The following PKP4 variants were observed in gnomAD, a reference collection of about 807,000 sequenced individuals.
The protein encoded by PKP4 is plakophilin 4.
A neutral mutation model predicts 145.1 loss-of-function variants in PKP4; 90 were observed. The ratio of observed to expected loss-of-function variants is 0.62; its 90% CI spans 0.52 to 0.74. The LOEUF is 0.74. Ranked by LOEUF, PKP4 falls within the 30% of genes least tolerant of loss-of-function variation. The pLI, the probability that PKP4 is intolerant of heterozygous loss-of-function variation, is 0.00. For synonymous variants in PKP4, 563 were observed against 577.2 expected (o/e 0.98, Z 0.35); for missense variants, 1,340 against 1,482.7 (o/e 0.90, Z 1.58).
intron 3 of PKP4, among the ~76,000 whole-genome samples, chr2:158,592,989 T>G (rs1050636364): frequency 2.0e-5 from 3 of 152,192 alleles, no homozygotes; most frequent in Non-Finnish European, 4.4e-5. Flanking sequence ...GGCCCTTTTC[T>G]TGTTCCTTAC....
At chr2:158,557,396 G>A (rs764720848) in intron 2 of PKP4, among the ~76,000 whole-genome samples, 1 of 152,174 alleles carries the variant, frequency 6.6e-6, no homozygotes, top group Non-Finnish European at 1.5e-5. Flanking sequence ...ATGAGCTGGG[G>A]TAGTGAACCA....
intron 3 of PKP4, among the ~76,000 whole-genome samples, chr2:158,592,341 A>C (rs140199335): frequency 2.0e-5 from 3 of 152,212 alleles, no homozygotes; most frequent in African/African-American, 7.2e-5. Flanking sequence ...GCTATGTAGA[A>C]TATTGACTGT....
At chr2:158,628,949 T>TA (rs2053083566) in intron 7 of PKP4, among the ~76,000 whole-genome samples, 1 of 152,144 alleles carries the variant, frequency 6.6e-6, no homozygotes, top group Non-Finnish European at 1.5e-5. Flanking sequence ...TGTTGGGTGT[T>TA]ACAATAGCAC....
chr2:158,464,991 T>C (rs1690371783), intron 1 of PKP4, among the ~76,000 whole-genome samples: 1 of 152,200 alleles, frequency 6.6e-6, no homozygotes, highest in Admixed American at 6.5e-5. Flanking sequence ...CATTTTTTAG[T>C]CCCCTACTCC....
At chr2:158,598,538 C>T (rs186683322) in intron 3 of PKP4, among the ~76,000 whole-genome samples, 6 of 152,154 alleles carry the variant, frequency 3.9e-5, no homozygotes, top group East Asian at 1.9e-4. Context: ...GAGGCTGAGG[C>T]GGGCGGATCA....
chr2:158,675,876 G>A (rs1005176713), intron 19 of PKP4, among the ~76,000 whole-genome samples: 3 of 152,152 alleles, frequency 2.0e-5, no homozygotes, highest in African/African-American at 7.2e-5. Flanking sequence ...AGGTTTGGGG[G>A]GCTGTTGCTT....
chr2:158,615,443 G>GT (rs1023352846), intron 4 of PKP4, among the ~76,000 whole-genome samples: 2 of 151,692 alleles, frequency 1.3e-5, no homozygotes. Flanking sequence ...TAGTTTCTTG[G>GT]TTTTTTTCTT....
chr2:158,464,653 A>G (rs1690303993), intron 1 of PKP4, among the ~76,000 whole-genome samples: 1 of 152,234 alleles, frequency 6.6e-6, no homozygotes, highest in Admixed American at 6.5e-5. Context: ...TAAACCCTTG[A>G]AGAACTGGCT....
rs76148188 is a variant in PKP4 at position 158,607,050 on chromosome 2, A to G, written c.280+3946A>G. Among the ~76,000 whole-genome samples, 1,432 of 152,198 alleles carry G rather than the reference A, an allele frequency of 9.4e-3. 14 individuals are homozygous for G. The highest frequency in any genetic ancestry group is 0.031 in the African/African-American group (1,304 of 41,526). ...ATATAAAATTGTATTGGTACCTTTG[A>G]TTTGCCTTAGGCTGGAATTTCAGGA... is the stretch of plus-strand genomic sequence containing the variant. On this transcript the variant is annotated intron_variant, in intron 4 of 21. Coordinates refer to ENST00000389759, the MANE Select transcript of PKP4 (RefSeq NM_003628.6).
chr2:158,466,046 C>A (rs962396325), intron 1 of PKP4, among the ~76,000 whole-genome samples: 2 of 152,192 alleles, frequency 1.3e-5, no homozygotes, highest in Non-Finnish European at 2.9e-5. Context: ...ATAAATCTCC[C>A]GTCCTGTAGT....
At chr2:158,642,095 C>T (rs1463378752) in intron 10 of PKP4, among the ~76,000 whole-genome samples, 1 of 152,194 alleles carries the variant, frequency 6.6e-6, no homozygotes, top group African/African-American at 2.4e-5. Context: ...AATCTTGGCT[C>T]ACTGCAACCT....
chr2:158,639,058 TGA>T (rs2054052176), intron 9 of PKP4, among the ~76,000 whole-genome samples: 1 of 152,228 alleles, frequency 6.6e-6, no homozygotes, highest in Non-Finnish European at 1.5e-5. Context: ...TTACTAATCC[TGA>T]GTTCCTTATC....
At chr2:158,577,226 G>C in intron 2 of PKP4, 45 bp from the exon 3 acceptor site, 2 of 1,174,584 alleles carry the variant, frequency 1.7e-6, no homozygotes, top group South Asian at 1.3e-5. Context: ...TGCCTGAGCA[G>C]CATACCTTGG....
intron 1 of PKP4, among the ~76,000 whole-genome samples, chr2:158,491,838 C>T (rs984160330): frequency 2.6e-5 from 4 of 151,974 alleles, no homozygotes; most frequent in African/African-American, 4.8e-5. Flanking sequence ...CTCTGTCACC[C>T]AGGCTGGAGT....
intron 2 of PKP4, among the ~76,000 whole-genome samples, chr2:158,573,117 T>C (rs1478841540): frequency 6.6e-6 from 1 of 152,242 alleles, no homozygotes; most frequent in Non-Finnish European, 1.5e-5. Context: ...CCAAGGTTCA[T>C]GATGAGAACA....
intron 4 of PKP4, among the ~76,000 whole-genome samples, chr2:158,608,625 A>G (rs2050845198): frequency 6.6e-6 from 1 of 152,090 alleles, no homozygotes; most frequent in East Asian, 1.9e-4. Context: ...AAACACAGCA[A>G]TCACAACTGG....
intron 4 of PKP4, among the ~76,000 whole-genome samples, chr2:158,607,536 T>A (rs182714123): frequency 6.6e-6 from 1 of 152,232 alleles, no homozygotes; most frequent in Admixed American, 6.5e-5. Flanking sequence ...GGTAGGTAGA[T>A]GGTTTTGTCA....
intron 2 of PKP4, among the ~76,000 whole-genome samples, chr2:158,536,616 C>G (rs1455496090): frequency 6.6e-6 from 1 of 152,218 alleles, no homozygotes; most frequent in Non-Finnish European, 1.5e-5. Flanking sequence ...AATCTTTCTT[C>G]ACTGGGCTAT....
At chr2:158,649,290 C>T (rs58778212) in intron 11 of PKP4, among the ~76,000 whole-genome samples, 9,263 of 152,068 alleles carry the variant, frequency 0.061, 652 homozygotes, top group African/African-American at 0.17. Flanking sequence ...GGTGTTTCTT[C>T]CCTGACCCTT....
Sources: gnomAD v4.1 joint callset for allele counts (sites outside exome capture counted in the v4.1 genomes callset) on GRCh38, gnomAD v4.1.1 for gene constraint, MANE v1.5 for transcripts, NCBI Gene and HGNC (gene_info 2026-07-23, HGNC 2026-07-21) for gene names.